CCDC144A: variants seen among roughly 807,000 people sequenced by gnomAD.
CCDC144A encodes the protein coiled-coil domain containing 144A, also known as coiled-coil domain-containing protein 144A.
Under a neutral mutation model 143.8 loss-of-function variants are expected in CCDC144A, and 41 were observed. The ratio of observed to expected loss-of-function variants is 0.29; its 90% CI spans 0.22 to 0.37. The LOEUF (loss-of-function observed/expected upper bound fraction) is 0.37, where lower values mean the gene tolerates loss of function less well. Among genes scored for constraint, CCDC144A ranks in the 10% least tolerant of loss-of-function variants. The pLI is 1.00. For synonymous variants in CCDC144A, 242 were observed against 517.9 expected, an observed-to-expected ratio of 0.47 and a Z score of 7.23; for missense variants, 637 against 1,488.8, an observed-to-expected ratio of 0.43 and a Z score of 9.41.
intron 12 of CCDC144A, among the ~76,000 whole-genome samples, chr17:16,757,819 A>T (rs1915169498): frequency 1.3e-5 from 2 of 152,220 alleles, no homozygotes; most frequent in African/African-American, 4.8e-5. Context: ...GACCTAGAGT[A>T]GCTTCCCTGG....
At chr17:16,755,748 A>G (rs1172331258) in intron 12 of CCDC144A, among the ~76,000 whole-genome samples, 11 of 152,156 alleles carry the variant, frequency 7.2e-5, no homozygotes, top group Middle Eastern at 3.2e-3. Context: ...TTTAGTAGAG[A>G]CAGGGTTTTG....
the CCDC144A span, among the ~76,000 whole-genome samples, chr17:16,675,158 A>G: frequency 6.6e-6 from 1 of 151,686 alleles, no homozygotes; most frequent in Non-Finnish European, 1.5e-5. Context: ...AATACCAGCT[A>G]CTGGGGAGGC....
At chr17:16,673,719 C>T in the CCDC144A span, among the ~76,000 whole-genome samples, 25 of 152,074 alleles carry the variant, frequency 1.6e-4, no homozygotes, top group African/African-American at 3.4e-4. Flanking sequence ...TTTATACTAT[C>T]GTTTAATCTA....
the CCDC144A span, among the ~76,000 whole-genome samples, chr17:16,675,672 C>T: frequency 6.6e-6 from 1 of 151,584 alleles, no homozygotes; most frequent in East Asian, 1.9e-4. Context: ...TTACCTTCCA[C>T]TAAGTGATTT....
At chr17:16,770,932 T>C (rs1303856510) in intron 15 of CCDC144A, among the ~76,000 whole-genome samples, 2 of 152,168 alleles carry the variant, frequency 1.3e-5, no homozygotes, top group Non-Finnish European at 1.5e-5. Flanking sequence ...CTATCTATAA[T>C]GTTTTTGTCA....
intron 6 of CCDC144A, among the ~76,000 whole-genome samples, chr17:16,716,173 CT>C (rs965753449): frequency 9.2e-5 from 14 of 151,974 alleles, no homozygotes; most frequent in Non-Finnish European, 1.6e-4. Flanking sequence ...AGGAAGATCT[CT>C]TTTTTTGATG....
chr17:16,749,889 T>C (rs1373781675), intron 12 of CCDC144A, among the ~76,000 whole-genome samples: 1 of 152,232 alleles, frequency 6.6e-6, no homozygotes, highest in African/African-American at 2.4e-5. Context: ...AAGTCTGTTT[T>C]ATCTAAGAAT....
chr17:16,682,681 GT>G, the CCDC144A span, among the ~76,000 whole-genome samples: 3 of 151,916 alleles, frequency 2.0e-5, no homozygotes, highest in Admixed American at 2.0e-4. Flanking sequence ...ATCAAAGAAA[GT>G]TTTGCAAAAA....
intron 12 of CCDC144A, chr17:16,746,551 G>T (rs1470683270): frequency 2.1e-5 from 34 of 1,613,750 alleles, no homozygotes; most frequent in Admixed American, 3.3e-5. Context: ...CTGGATCTTT[G>T]CTGTCAAGGA....
chr17:16,750,824 C>G (rs1412964311), intron 12 of CCDC144A, among the ~76,000 whole-genome samples: 1 of 152,048 alleles, frequency 6.6e-6, no homozygotes, highest in African/African-American at 2.4e-5. Flanking sequence ...TCCGCTTGGT[C>G]TCATCTGGTT....
chr17:16,686,261 G>A (rs1308542377), upstream of CCDC144A, among the ~76,000 whole-genome samples: 1 of 151,886 alleles, frequency 6.6e-6, no homozygotes, highest in Non-Finnish European at 1.5e-5. Flanking sequence ...GGGCAATGGT[G>A]TTGCAATTTC....
intron 12 of CCDC144A, among the ~76,000 whole-genome samples, chr17:16,750,914 C>G (rs1914760309): frequency 6.6e-6 from 1 of 152,100 alleles, no homozygotes; most frequent in South Asian, 2.1e-4. Context: ...TGTCGTGTTT[C>G]AACTTTTGGA....
chr17:16,707,503 G>T lies in CCDC144A; in HGVS notation c.699G>T (p.Glu233Asp), dbSNP rs1213723346. 3 of 1,606,990 alleles carry T rather than the reference G, an allele frequency of 1.9e-6. No individual in the cohort carries two copies. Among genetic ancestry groups the T allele is most frequent in the Non-Finnish European group, 2.5e-6 (3 of 1,177,934 alleles). The change falls in exon 4 of 17, where the codon GAG (glutamate) becomes GAT (aspartate). Residue 233 changes from glutamate (E) to aspartate (D), a missense_variant. Coordinates refer to ENST00000399273, the MANE Select transcript of CCDC144A (RefSeq NM_001382000.1). ...ACTCGGAGCTGACATCAGAGGAAGA[G>T]CAAGAAAGACTTAAAGGATGCGAAA... Reference protein sequence around the residue: ...EQDSELTSEEEQERLKGCENK... With the variant: ...EQDSELTSEEDQERLKGCENK...
chr17:16,676,511 CAA>C, the CCDC144A span, among the ~76,000 whole-genome samples: 12 of 80,022 alleles, frequency 1.5e-4, no homozygotes, highest in Admixed American at 2.9e-4. Flanking sequence ...ACTCCGTCTC[CAA>C]AAAAAAAAAA....
rs562690237 is a variant in CCDC144A at position 16,729,648 on chromosome 17, C to T, written c.2105+1908C>T. 1.5e-3 allele frequency among the ~76,000 whole-genome samples: 223 copies of T among 151,802 alleles called. 1 individual carries two copies. The highest frequency in any genetic ancestry group is 5.1e-3 in the African/African-American group (212 of 41,346). ...TCGGCTCATGGCTACCTCTGCCTCCCGGGTTCAAGCTATTCTCCTGCCTCA... is the reference window on the plus strand; with the variant it reads ...TCGGCTCATGGCTACCTCTGCCTCCTGGGTTCAAGCTATTCTCCTGCCTCA... On this transcript the variant is annotated intron_variant, in intron 9 of 16. Coordinates refer to ENST00000399273, the MANE Select transcript of CCDC144A (RefSeq NM_001382000.1).
intron 8 of CCDC144A, among the ~76,000 whole-genome samples, chr17:16,724,509 C>CAAAA (rs1194753881): frequency 4.6e-5 from 3 of 65,908 alleles, no homozygotes; most frequent in African/African-American, 9.5e-5. Flanking sequence ...GACTCCGTCT[C>CAAAA]AAAAAAAAAA....
At chr17:16,675,565 C>T in the CCDC144A span, among the ~76,000 whole-genome samples, 1 of 151,638 alleles carries the variant, frequency 6.6e-6, no homozygotes, top group East Asian at 1.9e-4. Flanking sequence ...TTCTCTTGAC[C>T]AATCTATTTT....
intron 12 of CCDC144A, among the ~76,000 whole-genome samples, chr17:16,748,219 G>C (rs1343606384): frequency 1.3e-5 from 2 of 152,118 alleles, no homozygotes; most frequent in Non-Finnish European, 2.9e-5. Flanking sequence ...TATGGTTTTA[G>C]CTGTGGGTTT....
Position 16,761,660 on chromosome 17 carries a change from A to G in CCDC144A, c.3608A>G (p.Glu1203Gly). ...GKAEWHKLLI[E>G]ERARKEIEEK... The stretch of plus-strand genomic sequence containing the variant: ...GCTGAATGGCATAAACTGTTGATTG[A>G]AGAAAGAGCAAGGAAGGAGATAGAA... The change falls in exon 13 of 17, where the codon GAA (glutamate) becomes GGA (glycine). Residue 1203 changes from glutamate (E) to glycine (G), a missense_variant. Glu to Gly is a moderately conservative substitution (Grantham distance 98). Coordinates refer to ENST00000399273, the MANE Select transcript of CCDC144A (RefSeq NM_001382000.1). The G allele has an allele frequency of 6.2e-7, 1 of 1,613,732 alleles. No individual in the cohort carries two copies. Among genetic ancestry groups the G allele is most frequent in the Non-Finnish European group, 8.5e-7 (1 of 1,179,694 alleles).
Sources: allele counts gnomAD v4.1 joint callset (sites outside exome capture counted in the v4.1 genomes callset), GRCh38; gene constraint gnomAD v4.1.1; transcripts MANE v1.5; gene names NCBI Gene and HGNC (gene_info 2026-07-23, HGNC 2026-07-21).